ZNF600: variants seen among roughly 807,000 people sequenced by gnomAD.
The protein encoded by ZNF600 is zinc finger protein 600.
Under a neutral mutation model 7.3 loss-of-function variants are expected in ZNF600, and 4 were observed. The ratio of observed to expected loss-of-function variants is 0.55; its 90% CI spans 0.27 to 1.25. The LOEUF is 1.25. Among genes scored for constraint, ZNF600 ranks in the 50% most tolerant of loss-of-function variants. The pLI is 0.12. For missense variants in ZNF600, 911 were observed against 922.1 expected (o/e 0.99, Z 0.16); for synonymous variants, 290 against 308.9 (o/e 0.94, Z 0.64).
intron 3 of ZNF600, among the ~76,000 whole-genome samples, chr19:52,770,255 C>T (rs1456535020): frequency 6.6e-6 from 1 of 152,086 alleles, no homozygotes; most frequent in Non-Finnish European, 1.5e-5. Context: ...GCCTGGCCAA[C>T]ATGGGGAAAC....
chr19:52,807,845 T>G, the ZNF600 span: 1 of 1,195,300 alleles, frequency 8.4e-7, no homozygotes, highest in Non-Finnish European at 1.2e-6. Context: ...GCAGAACCTC[T>G]AAACAAAGGG....
chr19:52,820,303 G>A, the ZNF600 span, among the ~76,000 whole-genome samples: 2 of 134,088 alleles, frequency 1.5e-5, no homozygotes. Flanking sequence ...ATTTTTAGTA[G>A]AGACGGGGTT....
At chr19:52,764,842 ATCAAAAAAGTACTATC>A in exon 4 of ZNF600, 1 of 169,354 alleles carries the variant, frequency 5.9e-6, no homozygotes, top group Non-Finnish European at 1.3e-5. Context: ...AAAGTACTAT[ATCAAAAAAGTACTATC>A]TCTTTAAAAA....
At chr19:52,777,522 C>G (rs748480183) in intron 2 of ZNF600, among the ~76,000 whole-genome samples, 2 of 152,000 alleles carry the variant, frequency 1.3e-5, no homozygotes, top group Non-Finnish European at 2.9e-5. Flanking sequence ...GCCTGGACAA[C>G]AAAATAAAAA....
chr19:52,785,326 C>T (rs1347109265), intron 1 of ZNF600, among the ~76,000 whole-genome samples: 7 of 151,826 alleles, frequency 4.6e-5, no homozygotes, highest in African/African-American at 7.3e-5. Flanking sequence ...TGGCTCTCAC[C>T]GCAACCTCTG....
At chr19:52,797,006 T>G in the ZNF600 span, among the ~76,000 whole-genome samples, 1 of 152,198 alleles carries the variant, frequency 6.6e-6, no homozygotes, top group Non-Finnish European at 1.5e-5. Context: ...ACTAGCAAAC[T>G]GTATTCAAGA....
rs760471642 is a variant in ZNF600 at position 52,767,266 on chromosome 19, A to T, written c.697T>A (p.Cys233Ser). 3 of 1,614,176 alleles carry T rather than the reference A, an allele frequency of 1.9e-6. No individual in the cohort carries two copies. The Admixed American group carries it at 5.0e-5, about 27-fold the overall frequency. ...TTAAAGGCTTTGCCACTCTCATTACATTGGAAAGATTTTTCTCTCATGTAT... is the reference window on the plus strand; with the variant it reads ...TTAAAGGCTTTGCCACTCTCATTACTTTGGAAAGATTTTTCTCTCATGTAT... The change falls in exon 4 of 4, where the codon TGT becomes AGT. Residue 233 changes from cysteine (C) to serine (S), a missense_variant. Transcript: ENST00000648973.
the ZNF600 span, among the ~76,000 whole-genome samples, chr19:52,815,951 TA>T: frequency 6.3e-4 from 92 of 146,072 alleles, 12 homozygotes; most frequent in African/African-American, 2.2e-3. Context: ...AAACGTAAAG[TA>T]AAAAAAAATA....
intron 3 of ZNF600, among the ~76,000 whole-genome samples, chr19:52,772,065 C>T (rs775344548): frequency 1.3e-5 from 2 of 152,182 alleles, no homozygotes; most frequent in Non-Finnish European, 2.9e-5. Flanking sequence ...ATAGTATTCA[C>T]TTGTTTTAAA....
At chr19:52,777,319 G>C (rs1338197437) in intron 2 of ZNF600, among the ~76,000 whole-genome samples, 1 of 152,092 alleles carries the variant, frequency 6.6e-6, no homozygotes, top group African/African-American at 2.4e-5. Context: ...CAGAGGGGCA[G>C]GGAGCTGAGA....
At chr19:52,765,501 C>T in exon 4 of ZNF600, 3 of 1,598,642 alleles carry the variant, frequency 1.9e-6, no homozygotes, top group South Asian at 1.1e-5. Context: ...ACATTTATTA[C>T]ACTTGTTAGA....
At chr19:52,832,794 T>A in the ZNF600 span, among the ~76,000 whole-genome samples, 1 of 151,968 alleles carries the variant, frequency 6.6e-6, no homozygotes, top group Non-Finnish European at 1.5e-5. Flanking sequence ...TCTTTTGAGA[T>A]GGAGTCTTGC....
the ZNF600 span, among the ~76,000 whole-genome samples, chr19:52,812,204 G>A: frequency 6.8e-5 from 9 of 132,400 alleles, 1 homozygote; most frequent in Non-Finnish European, 9.2e-5. Context: ...GCTTCTGCCC[G>A]GCCGCCCCTA....
the ZNF600 span, chr19:52,800,696 A>C: frequency 1.2e-6 from 2 of 1,612,334 alleles, no homozygotes; most frequent in Non-Finnish European, 1.7e-6. Flanking sequence ...CTTCACATTC[A>C]TAAGGTTTCT....
chr19:52,811,225 G>A, the ZNF600 span, among the ~76,000 whole-genome samples: 64 of 151,426 alleles, frequency 4.2e-4, no homozygotes, highest in Non-Finnish European at 8.1e-4. Flanking sequence ...GTGCAGCGGC[G>A]TGATCTCGGC....
the ZNF600 span, among the ~76,000 whole-genome samples, chr19:52,802,286 G>A: frequency 3.0e-4 from 46 of 152,222 alleles, 1 homozygote; most frequent in South Asian, 1.7e-3. Flanking sequence ...CAAGAATTGC[G>A]TTAAGCCAAA....
the ZNF600 span, chr19:52,810,081 C>G: frequency 3.9e-6 from 3 of 762,526 alleles, no homozygotes; most frequent in Non-Finnish European, 7.0e-6. Context: ...ACCTGGGCCT[C>G]GTTCAGGAGC....
exon 4 of ZNF600, chr19:52,765,245 C>A (rs1314689415): frequency 4.9e-5 from 28 of 567,768 alleles, no homozygotes; most frequent in African/African-American, 7.5e-5. Flanking sequence ...TGCCACACTT[C>A]TGACATTTGT....
chr19:52,800,941 CACAT>C, the ZNF600 span: 2 of 1,614,118 alleles, frequency 1.2e-6, no homozygotes, highest in African/African-American at 2.7e-5. Context: ...TCACATTCTT[CACAT>C]TCATAAGGTT....
Sources: gnomAD v4.1 joint callset for allele counts (sites outside exome capture counted in the v4.1 genomes callset) on GRCh38, gnomAD v4.1.1 for gene constraint, MANE v1.5 for transcripts, NCBI Gene and HGNC (gene_info 2026-07-23, HGNC 2026-07-21) for gene names.